Variants in CLIC5 observed in about 807,000 individuals in gnomAD.
CLIC5 encodes the protein chloride intracellular channel protein 5.
CLIC5 carries 20 observed loss-of-function variants against 24.7 expected under a neutral mutation model. That is an observed-to-expected ratio of 0.81 (90% confidence interval 0.57 to 1.18). CLIC5 has a LOEUF of 1.18. CLIC5 is among the 50% of genes most tolerant of loss of function. CLIC5 has a pLI of 0.00. For missense variants in CLIC5, 341 were observed against 326.1 expected, an observed-to-expected ratio of 1.05 and a Z score of -0.35; for synonymous variants, 159 against 135.6, an observed-to-expected ratio of 1.17 and a Z score of -1.20.
At chr6:45,911,885 C>T (rs1762833175) in intron 5 of CLIC5, 1 of 985,512 alleles carries the variant, frequency 1.0e-6, no homozygotes, top group Admixed American at 6.2e-5. Flanking sequence ...ATTGGCTTGA[C>T]TTTGGGAGAT....
chr6:46,068,708 T>C (rs187732641), intron 1 of CLIC5, among the ~76,000 whole-genome samples: 5 of 152,160 alleles, frequency 3.3e-5, no homozygotes, highest in Admixed American at 1.3e-4. Flanking sequence ...TAATCCAAAA[T>C]GACTGGTGTT....
At chr6:45,992,785 T>C (rs970061059) in intron 1 of CLIC5, among the ~76,000 whole-genome samples, 1 of 152,220 alleles carries the variant, frequency 6.6e-6, no homozygotes, top group African/African-American at 2.4e-5. Flanking sequence ...GTATATCTAT[T>C]TAAGGGCTGT....
intron 4 of CLIC5, among the ~76,000 whole-genome samples, chr6:45,933,566 A>G (rs1763824812): frequency 6.6e-6 from 1 of 152,248 alleles, no homozygotes; most frequent in Non-Finnish European, 1.5e-5. Flanking sequence ...AGTTAGAAGC[A>G]CCTTATTAGG....
At chr6:45,936,623 C>A (rs1397377668) in intron 4 of CLIC5, among the ~76,000 whole-genome samples, 1 of 152,060 alleles carries the variant, frequency 6.6e-6, no homozygotes, top group Admixed American at 6.6e-5. Context: ...GTTGAAGTAA[C>A]CTGTGCCATG....
At chr6:45,894,246 G>A (rs1427447209), downstream of CLIC5, among the ~76,000 whole-genome samples, 2 of 152,216 alleles carry the variant, frequency 1.3e-5, no homozygotes, top group Non-Finnish European at 2.9e-5. Context: ...CTGCTGGTGA[G>A]AGAGTAAGTT....
At chr6:46,080,645 T>C (rs1405264134), upstream of CLIC5, among the ~76,000 whole-genome samples, 1 of 152,194 alleles carries the variant, frequency 6.6e-6, no homozygotes, top group Non-Finnish European at 1.5e-5. Flanking sequence ...TGCCTCCAAA[T>C]GTTGACAACA....
chr6:46,083,685 T>C (rs577900124), upstream of CLIC5, among the ~76,000 whole-genome samples: 4 of 152,310 alleles, frequency 2.6e-5, no homozygotes, highest in African/African-American at 9.6e-5. Context: ...GAGGAGAGCT[T>C]TACTTCCAAC....
the CLIC5 span, among the ~76,000 whole-genome samples, chr6:46,118,074 T>C: frequency 1.3e-5 from 2 of 152,188 alleles, no homozygotes; most frequent in African/African-American, 4.8e-5. Context: ...GTGCCAACTG[T>C]GCATCTCACT....
the CLIC5 span, among the ~76,000 whole-genome samples, chr6:46,103,455 A>G: frequency 2.6e-5 from 4 of 152,278 alleles, no homozygotes; most frequent in East Asian, 7.7e-4. Context: ...TTGTCTAAGA[A>G]AGATTAATGA....
At chr6:45,958,054 T>C (rs1764704120) in intron 1 of CLIC5, among the ~76,000 whole-genome samples, 1 of 152,080 alleles carries the variant, frequency 6.6e-6, no homozygotes. Context: ...TGGGACCTTA[T>C]TGGGAAACAG....
At chr6:45,920,528 C>T in intron 4 of CLIC5, 1 of 325,506 alleles carries the variant, frequency 3.1e-6, no homozygotes, top group Non-Finnish European at 4.4e-6. Flanking sequence ...TGTCTCTGGC[C>T]ATCACATATT....
At chr6:46,055,141 C>CA (rs1768211166) in intron 1 of CLIC5, among the ~76,000 whole-genome samples, 1 of 152,148 alleles carries the variant, frequency 6.6e-6, no homozygotes, top group Admixed American at 6.5e-5. Flanking sequence ...TCGCTCTTGT[C>CA]ACCCAGGCTG....
At chr6:45,962,798 T>C (rs904678070) in intron 1 of CLIC5, among the ~76,000 whole-genome samples, 6 of 152,218 alleles carry the variant, frequency 3.9e-5, no homozygotes, top group Non-Finnish European at 8.8e-5. Context: ...CTTTGATGCA[T>C]AACTAGCCTG....
At chr6:46,051,732 C>G (rs1267798847) in intron 1 of CLIC5, among the ~76,000 whole-genome samples, 1 of 152,164 alleles carries the variant, frequency 6.6e-6, no homozygotes, top group Non-Finnish European at 1.5e-5. Context: ...TTATAAAATA[C>G]CATCTCATAT....
chr6:46,114,472 T>G, the CLIC5 span, among the ~76,000 whole-genome samples: 1 of 152,208 alleles, frequency 6.6e-6, no homozygotes, highest in Non-Finnish European at 1.5e-5. Flanking sequence ...CTTATCAGCA[T>G]GTATCTAGCT....
chr6:46,127,712 A>C, the CLIC5 span, among the ~76,000 whole-genome samples: 2 of 152,178 alleles, frequency 1.3e-5, no homozygotes, highest in South Asian at 4.1e-4. Context: ...TTTGGGTGAG[A>C]CCTCAGTTTA....
the CLIC5 span, among the ~76,000 whole-genome samples, chr6:46,109,318 G>C: frequency 1.1e-4 from 17 of 151,930 alleles, 1 homozygote; most frequent in Non-Finnish European, 1.8e-4. Flanking sequence ...GGTAACTTTG[G>C]AGATAACAGT....
At chr6:46,007,458 C>T (rs1456106498) in intron 1 of CLIC5, among the ~76,000 whole-genome samples, 1 of 152,142 alleles carries the variant, frequency 6.6e-6, no homozygotes, top group African/African-American at 2.4e-5. Flanking sequence ...AGGCATGCAC[C>T]TAATTTTGTA....
the CLIC5 span, chr6:46,129,741 T>TG: frequency 7.5e-6 from 1 of 133,956 alleles, no homozygotes; most frequent in African/African-American, 2.6e-5. Context: ...CGGGACTCGC[T>TG]GGTTTTTAGG....
Sources: gnomAD v4.1 joint callset for allele counts (sites outside exome capture counted in the v4.1 genomes callset) on GRCh38, gnomAD v4.1.1 for gene constraint, MANE v1.5 for transcripts, NCBI Gene and HGNC (gene_info 2026-07-23, HGNC 2026-07-21) for gene names.